TUBGCP6: variants seen among roughly 807,000 people sequenced by gnomAD.
TUBGCP6 encodes gamma-tubulin complex component 6.
Under a neutral mutation model 175.8 loss-of-function variants are expected in TUBGCP6, and 161 were observed. The observed-to-expected ratio is 0.92, with a 90% CI of 0.81 to 1.04. The LOEUF is 1.04. TUBGCP6 is among the 50% of genes least tolerant of loss of function. The pLI is 0.00. For missense variants in TUBGCP6, 2,572 were observed against 2,433.0 expected (o/e 1.06, Z -1.20); for synonymous variants, 1,173 against 1,030.5 (o/e 1.14, Z -2.65).
In TUBGCP6 at chr22:50,243,883, C is replaced by A; in HGVS notation, c.577G>T (p.Val193Phe). ...GGGTCACCAAATGAGAAGAGCCCGACGGTGGGCAGGCCAGTGCCTGGAGCA... is the reference window on the plus strand; with the variant it reads ...GGGTCACCAAATGAGAAGAGCCCGAAGGTGGGCAGGCCAGTGCCTGGAGCA... ...EAAPGTGLPT[V>F]GLFSFGDPCG... Residue 193 changes from valine (V) to phenylalanine (F), a missense_variant, in exon 1 of 25, where the codon GTC becomes TTC. Physicochemically the swap from Val to Phe is conservative, Grantham distance 50. Transcript: ENST00000248846. The A allele has an allele frequency of 1.9e-6, 3 of 1,613,884 alleles. No individual in the cohort carries two copies. Among genetic ancestry groups the A allele is most frequent in the Non-Finnish European group, 2.5e-6 (3 of 1,180,024 alleles).
In TUBGCP6 at chr22:50,243,893, G is replaced by A. The variant is rs1489762761; in HGVS notation, c.567C>T (p.Gly189=). The A allele has an allele frequency of 6.2e-7, 1 of 1,613,944 alleles. No homozygotes were observed. Among genetic ancestry groups the A allele is most frequent in the Admixed American group, 1.7e-5 (1 of 60,014 alleles). The change falls in exon 1 of 25, where the codon GGC becomes GGT. Residue 189 remains glycine, a synonymous_variant. Transcript: ENST00000248846. Reference sequence around the variant, plus strand: ...ATGAGAAGAGCCCGACGGTGGGCAGGCCAGTGCCTGGAGCAGCCTCCATAA... The same window carrying A: ...ATGAGAAGAGCCCGACGGTGGGCAGACCAGTGCCTGGAGCAGCCTCCATAA... ...LQVMEAAPGT[G]LPTVGLFSFG...
chr22:50,228,116 CGCTT>C, intron 4 of TUBGCP6, 88 bp from the exon 5 acceptor site: 3 of 1,395,882 alleles, frequency 2.1e-6, no homozygotes, highest in Non-Finnish European at 2.8e-6. Flanking sequence ...CTGGGAACAG[CGCTT>C]TGTTTCTTGC....
chr22:50,224,661 C>G, intron 10 of TUBGCP6, 69 bp from the exon 11 acceptor site: 2 of 1,515,764 alleles, frequency 1.3e-6, no homozygotes, highest in Middle Eastern at 2.1e-4. Flanking sequence ...AATCCTGGCA[C>G]TTTGGGAGGC....
chr22:50,225,019 T>C (rs1201506750), intron 10 of TUBGCP6, among the ~76,000 whole-genome samples: 1 of 151,602 alleles, frequency 6.6e-6, no homozygotes, highest in Non-Finnish European at 1.5e-5. Flanking sequence ...GGTCCAAGGG[T>C]TCGAGGAGGG....
At position 50,217,933 on chromosome 22, in the gene TUBGCP6, G is replaced by T; in HGVS notation, c.5353C>A (p.His1785Asn). The change falls in exon 24 of 25, where the codon CAC becomes AAC. Residue 1785 changes from histidine (H) to asparagine (N), a missense_variant. His to Asn is a moderately conservative substitution (Grantham distance 68, BLOSUM62 1). Coordinates refer to ENST00000248846, the MANE Select transcript of TUBGCP6 (RefSeq NM_020461.4). ...TGGGCCTCACCTTTGAAGAGAAAGT[G>T]GGAGTAGTACTTGAAGGTGTTGTAG... is the stretch of plus-strand genomic sequence containing the variant. ...QSYNTFKYYS[H>N]FLFKVVTKLV... 1 of 1,607,330 alleles carries T rather than the reference G, an allele frequency of 6.2e-7. No individual in the cohort carries two copies. The highest frequency in any genetic ancestry group is 8.5e-7 in the Non-Finnish European group (1 of 1,175,968).
chr22:50,218,648 T>A (rs2064459869), intron 21 of TUBGCP6, 28 bp from the exon 22 acceptor site: 2 of 1,613,528 alleles, frequency 1.2e-6, no homozygotes, highest in African/African-American at 2.7e-5. Flanking sequence ...TCAGCAGGCA[T>A]CCCACAGGCA....
Position 50,221,855 on chromosome 22 carries a change from T to G in TUBGCP6, c.2504A>C (p.Glu835Ala). The part of the protein sequence containing the change: ...VHPQVTSPGP[E>A]HPEGGQGCDS... ...ACAGCCTTGGCCTCCCTCTGGGTGC[T>G]CAGGGCCCGGAGACGTGACCTGAAA... is the stretch of plus-strand genomic sequence containing the variant. The change falls in exon 16 of 25, where the codon GAG becomes GCG. Residue 835 changes from glutamate to alanine, a missense_variant. Transcript: ENST00000248846. The G allele has an allele frequency of 6.6e-7, 1 of 1,511,694 alleles. No homozygotes were observed. Among genetic ancestry groups the G allele is most frequent in the East Asian group, 2.3e-5 (1 of 43,884 alleles). The allele number at this position is 1,511,694 out of a possible 1,614,324, so 93.6% of individuals were successfully genotyped here. A position where few individuals can be genotyped will look rare whatever the true frequency, so the allele number is the denominator to read the frequency against.
chr22:50,218,722 C>CA lies in TUBGCP6; in HGVS notation c.4801dup (p.Cys1601LeufsTer230), dbSNP rs2064461797. The CA allele has an allele frequency of 6.2e-7, 1 of 1,613,714 alleles. No homozygotes were observed. The highest frequency in any genetic ancestry group is 1.3e-5 in the African/African-American group (1 of 74,920). On this transcript the variant is annotated frameshift_variant, in exon 21 of 25. Coordinates refer to ENST00000248846, the MANE Select transcript of TUBGCP6 (RefSeq NM_020461.4). LOFTEE classifies it high-confidence loss of function. Reference sequence around the variant, plus strand: ...GCTGACCTTGTACCTGAGCTCCAGGCAGCTCAGCACATCCGGGGCGTTGGG... The same window carrying CA: ...GCTGACCTTGTACCTGAGCTCCAGGCAAGCTCAGCACATCCGGGGCGTTGGG...
In TUBGCP6 at chr22:50,224,495, A is replaced by G. The variant is rs1172358466; in HGVS notation, c.2065+16T>C. On this transcript the variant is annotated intron_variant, in intron 11 of 24. Coordinates refer to ENST00000248846, the MANE Select transcript of TUBGCP6 (RefSeq NM_020461.4). ...GCCCCCCGGAACTGCAGAAGGGAGG[A>G]CTTGGGGCCACTCACCACTCAGTGC... The G allele has an allele frequency of 6.2e-6, 10 of 1,613,984 alleles. No homozygotes were observed. In the East Asian group the frequency reaches 6.7e-5, roughly 11 times the overall value.
chr22:50,229,786 T>C (rs1277618888), intron 3 of TUBGCP6, among the ~76,000 whole-genome samples: 1 of 151,992 alleles, frequency 6.6e-6, no homozygotes, highest in East Asian at 1.9e-4. Context: ...GAAAAATACA[T>C]GTTTAAAATG....
intron 2 of TUBGCP6, 157 bp downstream of exon 2, chr22:50,240,047 T>G (rs2064820806): frequency 9.9e-7 from 1 of 1,012,618 alleles, no homozygotes; most frequent in South Asian, 1.5e-5. Context: ...CTCTCTTAAC[T>G]CCCAGGACTC....
In TUBGCP6 at chr22:50,226,035, T is replaced by A. The variant is rs755832560; in HGVS notation, c.1833+15A>T. ...GACCGGCCCCTCTCTTCCCCACACA[T>A]GAGCCCCTCCTCACCCGGGGGCAGC... On this transcript the variant is annotated intron_variant, in intron 9 of 24. Transcript: ENST00000248846. 2 of 1,612,958 alleles carry A rather than the reference T, an allele frequency of 1.2e-6. No homozygotes were observed. Among genetic ancestry groups the A allele is most frequent in the Non-Finnish European group, 8.5e-7 (1 of 1,179,398 alleles).
chr22:50,244,801 G>A lies in TUBGCP6; in HGVS notation c.-342C>T, dbSNP rs902671070. 4 of 284,162 alleles carry A rather than the reference G, an allele frequency of 1.4e-5. No homozygotes were observed. The highest frequency in any genetic ancestry group is 1.6e-4 in the East Asian group (2 of 12,582). 17.6% of individuals were successfully genotyped at this position (284,162 alleles called of 1,614,324 possible). A position where few individuals can be genotyped will look rare whatever the true frequency, so the allele number is the denominator to read the frequency against. On this transcript the variant is annotated 5_prime_UTR_variant, in exon 1 of 25. Coordinates refer to ENST00000248846, the MANE Select transcript of TUBGCP6 (RefSeq NM_020461.4). ...ACGAAACGCGCGCCCGCGCAGTACA[G>A]CGGACGAACTCGGCTTTGCACCCGT...
At position 50,226,052 on chromosome 22, in the gene TUBGCP6, G is replaced by T; in HGVS notation, c.1831C>A (p.Arg611=). ...CCCACACATGAGCCCCTCCTCACCC[G>T]GGGGCAGCAGAGCTTCAGCAGGTTA... ...TINLLKLCCP[R]HYLCWSDVPV... The change falls in exon 9 of 25, where the codon CGG becomes AGG. Residue 611 remains arginine (R), a splice_region_variant and synonymous_variant. Coordinates refer to ENST00000248846, the MANE Select transcript of TUBGCP6 (RefSeq NM_020461.4). 1 of 1,614,034 alleles carries T rather than the reference G, an allele frequency of 6.2e-7. No homozygotes were observed. The highest frequency in any genetic ancestry group is 8.5e-7 in the Non-Finnish European group (1 of 1,179,980).
At position 50,217,821 on chromosome 22, in the gene TUBGCP6, G is replaced by A. The variant is rs1051474238; in HGVS notation, c.5375C>T (p.Thr1792Ile). ...CTGGTAGCCGCGGTTCACCAGCTTG[G>A]TCACCACTGGGGACCAGCGAGCAGC... The part of the protein sequence containing the change: ...YYSHFLFKVV[T>I]KLVNRGYQPH... The change falls in exon 25 of 25, where the codon ACC becomes ATC. Residue 1792 changes from threonine to isoleucine, a missense_variant. By Grantham distance (89) the Thr-to-Ile change is moderately conservative (BLOSUM62 -1). Coordinates refer to ENST00000248846, the MANE Select transcript of TUBGCP6 (RefSeq NM_020461.4). 2 of 1,613,712 alleles carry A rather than the reference G, an allele frequency of 1.2e-6. No homozygotes were observed. Among genetic ancestry groups the A allele is most frequent in the South Asian group, 1.1e-5 (1 of 91,058 alleles).
intron 3 of TUBGCP6, among the ~76,000 whole-genome samples, chr22:50,232,149 C>A (rs951845084): frequency 6.6e-6 from 1 of 151,692 alleles, no homozygotes; most frequent in African/African-American, 2.4e-5. Flanking sequence ...CAAATCACCT[C>A]AGGTCAGGAG....
At position 50,245,014 on chromosome 22, in the gene TUBGCP6, G is replaced by A. The variant is rs1352855265; in HGVS notation, c.-555C>T. 1 of 229,858 alleles carries A rather than the reference G, an allele frequency of 4.4e-6. No homozygotes were observed. The highest frequency in any genetic ancestry group is 5.3e-5 in the Admixed American group (1 of 18,848). The allele number at this position is 229,858 out of a possible 1,614,324, so 14.2% of individuals were successfully genotyped here. On this transcript the variant is annotated 5_prime_UTR_variant, in exon 1 of 25. Transcript: ENST00000248846. ...TCGCCGCCTCCGTCGCGTCACAGCCGCGCCAGTGTGAAGAGCACTAGGGCG... is the reference window on the plus strand; with the variant it reads ...TCGCCGCCTCCGTCGCGTCACAGCCACGCCAGTGTGAAGAGCACTAGGGCG...
In TUBGCP6 at chr22:50,219,173, G is replaced by C. The variant is rs761662554; in HGVS notation, c.4521C>G (p.Phe1507Leu). 2.5e-6 allele frequency: 4 copies of C among 1,612,128 alleles called. No individual in the cohort carries two copies. Among genetic ancestry groups the C allele is most frequent in the African/African-American group, 2.7e-5 (2 of 74,942 alleles). Residue 1507 changes from phenylalanine (F) to leucine (L), a missense_variant, in exon 20 of 25, where the codon TTC (phenylalanine) becomes TTG (leucine). Coordinates refer to ENST00000248846, the MANE Select transcript of TUBGCP6 (RefSeq NM_020461.4). ...GCGCCTCCAGGTGCAGCTCCACGAA[G>C]AAGTAGTCGACAGCGGCCTTGTTCA... ...SLVNKAAVDY[F>L]FVELHLEAHY...
At chr22:50,239,605 C>T (rs966892471) in intron 2 of TUBGCP6, among the ~76,000 whole-genome samples, 3 of 152,212 alleles carry the variant, frequency 2.0e-5, no homozygotes, top group Non-Finnish European at 4.4e-5. Flanking sequence ...CTACCGCATC[C>T]AGAGAGCAAG....
Sources: allele counts gnomAD v4.1 joint callset (sites outside exome capture counted in the v4.1 genomes callset), GRCh38; gene constraint gnomAD v4.1.1; transcripts MANE v1.5; gene names NCBI Gene and HGNC (gene_info 2026-07-23, HGNC 2026-07-21).